The following TMEM135 variants were observed in gnomAD, a reference collection of about 807,000 sequenced individuals.
TMEM135 encodes transmembrane protein 135, also known as peroxisomal membrane protein 52.
Under a neutral mutation model 60.3 loss-of-function variants are expected in TMEM135, and 30 were observed. That is an observed-to-expected ratio of 0.50 (90% confidence interval 0.37 to 0.68). The LOEUF is 0.68. Ranked by LOEUF, TMEM135 falls within the 30% of genes least tolerant of loss-of-function variation. TMEM135 has a pLI of 0.00. For synonymous variants in TMEM135, 190 were observed against 186.7 expected (o/e 1.02, Z -0.14); for missense variants, 468 against 548.8 (o/e 0.85, Z 1.47).
At chr11:87,191,466 C>T (rs946738197) in intron 5 of TMEM135, among the ~76,000 whole-genome samples, 2 of 152,102 alleles carry the variant, frequency 1.3e-5, no homozygotes, top group Non-Finnish European at 2.9e-5. Flanking sequence ...TGGTTTCGAT[C>T]TCTTGACCTC....
intron 5 of TMEM135, among the ~76,000 whole-genome samples, chr11:87,191,215 A>T (rs1939790346): frequency 6.6e-6 from 1 of 151,538 alleles, no homozygotes; most frequent in Non-Finnish European, 1.5e-5. Flanking sequence ...TCCTGATATC[A>T]GAAGTCACAC....
chr11:87,321,502 A>C lies in TMEM135; in HGVS notation c.*169A>C. ...ATCAGAAATTCAGAAGCTTTTTAGG[A>C]AGATGTTGCTTAATAATTAAGCTTC... is the stretch of plus-strand genomic sequence containing the variant. On this transcript the variant is annotated 3_prime_UTR_variant, in exon 15 of 15. Coordinates refer to ENST00000305494, the MANE Select transcript of TMEM135 (RefSeq NM_022918.4). 1.3e-6 allele frequency: 1 copy of C among 779,030 alleles called. No homozygotes were observed. The highest frequency in any genetic ancestry group is 1.5e-5 in the South Asian group (1 of 68,568). The allele number at this position is 779,030 out of a possible 1,614,324, so 48.3% of individuals were successfully genotyped here. A position where few individuals can be genotyped will look rare whatever the true frequency, so the allele number is the denominator to read the frequency against.
rs1267742563 is a variant in TMEM135 at position 87,326,857 on chromosome 11, G to A, written c.*5524G>A. On this transcript the variant is annotated 3_prime_UTR_variant, in exon 15 of 15. Transcript: ENST00000305494. The stretch of plus-strand genomic sequence containing the variant: ...CACTAAGGCTCTCTTCAGAACCAAA[G>A]GGCAGGATAAATAAATCTATGAAAC... 8.9e-6 allele frequency: 4 copies of A among 451,900 alleles called. No individual in the cohort carries two copies. Among genetic ancestry groups the A allele is most frequent in the Admixed American group, 2.4e-5 (1 of 42,274 alleles). The allele number at this position is 451,900 out of a possible 1,614,324, so 28.0% of individuals were successfully genotyped here.
chr11:87,176,739 A>G (rs1013570377), intron 5 of TMEM135, among the ~76,000 whole-genome samples: 1 of 152,142 alleles, frequency 6.6e-6, no homozygotes, highest in African/African-American at 2.4e-5. Context: ...GTTTTAGCCT[A>G]ATGGCTGGGA....
At chr11:87,295,740 CA>C in intron 6 of TMEM135, 41 bp from the exon 7 acceptor site, 1 of 1,540,484 alleles carries the variant, frequency 6.5e-7, no homozygotes, top group Non-Finnish European at 8.9e-7. Context: ...ACTTGTATCT[CA>C]AAATATGTTA....
chr11:87,150,514 G>A (rs2135258404), intron 4 of TMEM135, among the ~76,000 whole-genome samples: 1 of 152,242 alleles, frequency 6.6e-6, no homozygotes, highest in Non-Finnish European at 1.5e-5. Flanking sequence ...CATAAATTTT[G>A]TTTAAAATAG....
intron 5 of TMEM135, among the ~76,000 whole-genome samples, chr11:87,228,210 G>A (rs764047529): frequency 8.5e-5 from 13 of 152,218 alleles, no homozygotes; most frequent in Non-Finnish European, 1.9e-4. Flanking sequence ...CAAGTATTAG[G>A]TAGTTATTTT....
rs1038132198 is a variant in TMEM135 at position 87,213,005 on chromosome 11, A to G, written c.463-23633A>G. On this transcript the variant is annotated intron_variant, in intron 5 of 14. Coordinates refer to ENST00000305494, the MANE Select transcript of TMEM135 (RefSeq NM_022918.4). The stretch of plus-strand genomic sequence containing the variant: ...CTACATAATAGTCATACTTTAACTC[A>G]TCTTTCTCTGGTCTCATGTTCACAA... Among the ~76,000 whole-genome samples the G allele has an allele frequency of 5.3e-5, 8 of 152,060 alleles. No homozygotes were observed. In the East Asian group the frequency reaches 7.7e-4, roughly 15 times the overall value.
At chr11:87,212,578 TTGGGAGGCCGAGG>T (rs1360976214) in intron 5 of TMEM135, among the ~76,000 whole-genome samples, 1 of 152,056 alleles carries the variant, frequency 6.6e-6, no homozygotes, top group Non-Finnish European at 1.5e-5. Context: ...TTCCAGCACT[TTGGGAGGCCGAGG>T]TGGGTGGATC....
intron 1 of TMEM135, among the ~76,000 whole-genome samples, chr11:87,064,753 C>G (rs553158455): frequency 6.6e-6 from 1 of 151,944 alleles, no homozygotes; most frequent in African/African-American, 2.4e-5. Flanking sequence ...GCGTGGTGGC[C>G]GGCGCCTGTA....
chr11:87,217,004 C>T (rs1052299361), intron 5 of TMEM135, among the ~76,000 whole-genome samples: 8 of 151,906 alleles, frequency 5.3e-5, no homozygotes, highest in South Asian at 2.1e-4. Context: ...ATCATTTGGT[C>T]CAACAATGAG....
At chr11:87,102,740 G>GTATATGTATA (rs1857492686) in intron 4 of TMEM135, among the ~76,000 whole-genome samples, 1 of 140,446 alleles carries the variant, frequency 7.1e-6, no homozygotes. Flanking sequence ...ATATATATAT[G>GTATATGTATA]TATATATGTA....
intron 1 of TMEM135, among the ~76,000 whole-genome samples, chr11:87,038,647 T>C (rs1949725483): frequency 6.8e-6 from 1 of 146,866 alleles, no homozygotes; most frequent in Non-Finnish European, 1.5e-5. Context: ...AAGGCATATT[T>C]GGCCCTAAGT....
At chr11:87,165,424 C>G (rs1290466854) in intron 5 of TMEM135, among the ~76,000 whole-genome samples, 1 of 134,400 alleles carries the variant, frequency 7.4e-6, no homozygotes, top group Non-Finnish European at 1.6e-5. Context: ...TTTTGATGTG[C>G]TGCTGGATTC....
chr11:87,193,269 G>A (rs1159592883), intron 5 of TMEM135, among the ~76,000 whole-genome samples: 2 of 152,130 alleles, frequency 1.3e-5, no homozygotes, highest in African/African-American at 4.8e-5. Flanking sequence ...GGGTGTAGTG[G>A]TGGTGAGATC....
At chr11:87,161,325 A>G (rs1229460210) in intron 5 of TMEM135, among the ~76,000 whole-genome samples, 1 of 152,008 alleles carries the variant, frequency 6.6e-6, no homozygotes, top group African/African-American at 2.4e-5. Context: ...CAAAAGTGGT[A>G]TTTTTCTATT....
chr11:87,323,176 T>A lies in TMEM135; in HGVS notation c.*1843T>A, dbSNP rs1192248256. 2.2e-6 allele frequency: 1 copy of A among 454,030 alleles called. No individual in the cohort carries two copies. The highest frequency in any genetic ancestry group is 1.6e-5 in the South Asian group (1 of 64,366). The allele number at this position is 454,030 out of a possible 1,614,324, so 28.1% of individuals were successfully genotyped here. A position where few individuals can be genotyped will look rare whatever the true frequency, so the allele number is the denominator to read the frequency against. Reference sequence around the variant, plus strand: ...TACGAAATTTGCTGAGATTGTTTAGTAAAATTTTGCTGGTCAAAAAGGTGT... The same window carrying A: ...TACGAAATTTGCTGAGATTGTTTAGAAAAATTTTGCTGGTCAAAAAGGTGT... On this transcript the variant is annotated 3_prime_UTR_variant, in exon 15 of 15. Coordinates refer to ENST00000305494, the MANE Select transcript of TMEM135 (RefSeq NM_022918.4).
intron 5 of TMEM135, among the ~76,000 whole-genome samples, chr11:87,190,711 G>C (rs954442095): frequency 2.6e-5 from 4 of 152,186 alleles, no homozygotes; most frequent in African/African-American, 9.6e-5. Flanking sequence ...GAAAGAGAAA[G>C]ACAGCAGCAG....
rs542575672 is a variant in TMEM135, at chr11:87,180,407, T to C, written c.462+23001T>C. 1.8e-4 allele frequency among the ~76,000 whole-genome samples: 28 copies of C among 152,152 alleles called. No individual in the cohort carries two copies. In the South Asian group the frequency reaches 5.8e-3, roughly 32 times the overall value. Reference sequence around the variant, plus strand: ...GGCAGATGCAGTTGCAGAAAGTATATGAGTGTGTGTGGAGGCAAAAACACC... The same window carrying C: ...GGCAGATGCAGTTGCAGAAAGTATACGAGTGTGTGTGGAGGCAAAAACACC... On this transcript the variant is annotated intron_variant, in intron 5 of 14. Transcript: ENST00000305494.
Sources: allele counts gnomAD v4.1 joint callset (sites outside exome capture counted in the v4.1 genomes callset), GRCh38; gene constraint gnomAD v4.1.1; transcripts MANE v1.5; gene names NCBI Gene and HGNC (gene_info 2026-07-23, HGNC 2026-07-21).